The following MGRN1 variants were observed in gnomAD, a reference collection of about 807,000 sequenced individuals.
The protein encoded by MGRN1 is mahogunin ring finger 1, also known as E3 ubiquitin-protein ligase MGRN1.
In MGRN1, 29 loss-of-function variants were observed where a neutral mutation model predicts 69.2. That is an observed-to-expected ratio of 0.42 (90% CI 0.31 to 0.57). MGRN1 has a LOEUF of 0.57. MGRN1 is among the 20% of genes least tolerant of loss of function. The probability of loss-of-function intolerance (pLI) is 0.15; values close to 1 mark genes in which losing one functional copy is unlikely to be tolerated. For synonymous variants in MGRN1, 470 were observed against 344.2 expected (o/e 1.37, Z -4.04); for missense variants, 998 against 796.2 (o/e 1.25, Z -3.05).
At chr16:4,641,853 C>T (rs1381685229) in intron 1 of MGRN1, among the ~76,000 whole-genome samples, 1 of 152,100 alleles carries the variant, frequency 6.6e-6, no homozygotes, top group Non-Finnish European at 1.5e-5. Flanking sequence ...AGGGTCTCGC[C>T]ATGTCGCCCA....
intron 6 of MGRN1, 74 bp from the exon 7 acceptor site, chr16:4,665,028 C>A: frequency 6.4e-7 from 1 of 1,557,512 alleles, no homozygotes; most frequent in Non-Finnish European, 8.9e-7. Context: ...GCAGGCCTAC[C>A]AGGGTCGGGG....
intron 5 of MGRN1, among the ~76,000 whole-genome samples, chr16:4,658,038 G>T (rs569988137): frequency 6.6e-6 from 1 of 151,446 alleles, no homozygotes; most frequent in South Asian, 2.1e-4. Flanking sequence ...CACCGTGCCC[G>T]GCCATTGCTG....
chr16:4,641,051 C>T (rs1231870492), intron 1 of MGRN1, among the ~76,000 whole-genome samples: 4 of 152,198 alleles, frequency 2.6e-5, no homozygotes, highest in African/African-American at 9.6e-5. Flanking sequence ...TGCGTTCTTT[C>T]ACCTCCACAG....
chr16:4,685,062 C>T (rs2079277828), intron 16 of MGRN1, among the ~76,000 whole-genome samples: 2 of 152,260 alleles, frequency 1.3e-5, no homozygotes, highest in Non-Finnish European at 2.9e-5. Context: ...CAGGCACTGC[C>T]TCTGGTGCCC....
chr16:4,682,922 C>T lies in MGRN1; in HGVS notation c.1458C>T (p.Ala486=). The T allele has an allele frequency of 5.6e-6, 9 of 1,599,420 alleles. No homozygotes were observed. The highest frequency in any genetic ancestry group is 7.7e-6 in the Non-Finnish European group (9 of 1,170,568). Residue 486 remains alanine, a synonymous_variant, in exon 14 of 17, where the codon GCC becomes GCT. Transcript: ENST00000262370. ...CCCCACTGGGTGGCGCAGAGCTGGC[C>T]CTGCGGGAAAGCAGCTCCCCTGAGG... The part of the protein sequence containing the change: ...APPPLGGAEL[A]LRESSSPESF...
At position 4,671,276 on chromosome 16, in the gene MGRN1, C is replaced by G. The variant is rs73521415; in HGVS notation, c.727-115C>G. On this transcript the variant is annotated intron_variant, in intron 8 of 16. Transcript: ENST00000262370. ...CCTGGCCCCCAGGGGTTGAGCTGGACTGACCCCTGGTATGGAAGCCTGGTA... is the reference window on the plus strand; with the variant it reads ...CCTGGCCCCCAGGGGTTGAGCTGGAGTGACCCCTGGTATGGAAGCCTGGTA... 1,628 of 986,972 alleles carry G rather than the reference C, an allele frequency of 1.6e-3. 14 individuals carry two copies. In the African/African-American group the frequency reaches 0.024, roughly 14 times the overall value. The allele number at this position is 986,972 out of a possible 1,614,324, so 61.1% of individuals were successfully genotyped here.
chr16:4,688,855 C>T lies in MGRN1; in HGVS notation c.1678C>T (p.Pro560Ser), dbSNP rs746377373. The part of the protein sequence containing the change: ...GLATTSPTWP[P>S]LGGPSPDPSA... The stretch of plus-strand genomic sequence containing the variant: ...CGCCACCACCAGCCCCACCTGGCCT[C>T]CACTTGGTGGCCCCAGCCCCGATCC... The change falls in exon 17 of 17, where the codon CCA (proline) becomes TCA (serine). Residue 560 changes from proline to serine, a missense_variant. By Grantham distance (74) the Pro-to-Ser change is moderately conservative (BLOSUM62 -1). Transcript: ENST00000262370. 12 of 1,555,250 alleles carry T rather than the reference C, an allele frequency of 7.7e-6. No individual in the cohort carries two copies. The highest frequency in any genetic ancestry group is 3.5e-5 in the South Asian group (3 of 84,734).
intron 10 of MGRN1, among the ~76,000 whole-genome samples, chr16:4,674,611 C>CTTTTATTTTCTTTTCTTTTT (rs2079013678): frequency 2.1e-4 from 17 of 79,346 alleles, no homozygotes; most frequent in Admixed American, 1.6e-3. Context: ...CTTTTTTTTT[C>CTTTTATTTTCTTTTCTTTTT]TTTTCTTTTC....
At chr16:4,679,972 G>T in intron 11 of MGRN1, 60 bp from the exon 12 acceptor site, 1 of 1,514,242 alleles carries the variant, frequency 6.6e-7, no homozygotes, top group Non-Finnish European at 9.1e-7. Flanking sequence ...GACCTGTCCA[G>T]CCCACTCCAG....
intron 1 of MGRN1, among the ~76,000 whole-genome samples, chr16:4,648,586 C>T (rs1424123428): frequency 8.7e-6 from 1 of 114,554 alleles, no homozygotes; most frequent in Non-Finnish European, 1.7e-5. Context: ...CCCGGGTCCT[C>T]CTCCCGGGGC....
At chr16:4,683,961 G>A in intron 16 of MGRN1, 29 bp downstream of exon 16, 5 of 1,222,110 alleles carry the variant, frequency 4.1e-6, no homozygotes, top group Non-Finnish European at 4.7e-6. Context: ...GGGGGTGAGG[G>A]GCTGGGTGCC....
intron 1 of MGRN1, among the ~76,000 whole-genome samples, chr16:4,632,007 CT>C (rs869090061): frequency 0.054 from 3,489 of 64,910 alleles, 5 homozygotes; most frequent in East Asian, 0.067. Context: ...AAAAAATTTC[CT>C]TTTTTTTTTT....
At chr16:4,633,972 A>C (rs781419738) in intron 1 of MGRN1, 3 of 152,220 alleles carry the variant, frequency 2.0e-5, no homozygotes, top group Non-Finnish European at 4.4e-5. Flanking sequence ...ATTTTTTTAA[A>C]AAGGGCTTGG....
At position 4,671,395 on chromosome 16, in the gene MGRN1, A is replaced by C. The variant is rs749488380; in HGVS notation, c.731A>C (p.Asp244Ala). 4.3e-6 allele frequency: 7 copies of C among 1,613,912 alleles called. No individual in the cohort carries two copies. In the East Asian group the frequency reaches 1.3e-4, roughly 31 times the overall value. ...GAGCCCCTCTCTGCTCTCCAGGTGG[A>C]CCGGGTCAGCTACCTCCTGCAGGAG... ...VKPLKQKQIV[D>A]RVSYLLQEIY... Residue 244 changes from aspartate to alanine, a missense_variant, in exon 9 of 17, where the codon GAC becomes GCC. Transcript: ENST00000262370.
At chr16:4,636,555 G>C (rs541579766) in intron 1 of MGRN1, among the ~76,000 whole-genome samples, 33 of 152,264 alleles carry the variant, frequency 2.2e-4, no homozygotes, top group African/African-American at 7.0e-4. Flanking sequence ...GCTGTTGGGT[G>C]CATTCAGCCT....
intron 16 of MGRN1, chr16:4,687,576 A>AC: frequency 1.3e-6 from 1 of 748,746 alleles, no homozygotes. Context: ...AGAAAAAAAA[A>AC]ATACACACAC....
chr16:4,640,855 T>C (rs2078141387), intron 1 of MGRN1, among the ~76,000 whole-genome samples: 1 of 152,228 alleles, frequency 6.6e-6, no homozygotes, highest in Non-Finnish European at 1.5e-5. Context: ...AAGTGGGCTC[T>C]GGAGTCGGGG....
chr16:4,677,723 G>A (rs1363143748), intron 11 of MGRN1, 151 bp downstream of exon 11: 3 of 746,312 alleles, frequency 4.0e-6, no homozygotes, highest in South Asian at 3.7e-5. Flanking sequence ...GAGGCATGAA[G>A]GGGGTGGCCA....
rs1233212327 is a variant in MGRN1 at position 4,673,658 on chromosome 16, G to A, written c.955+1G>A. 6.2e-7 allele frequency: 1 copy of A among 1,612,620 alleles called. No individual in the cohort carries two copies. The highest frequency in any genetic ancestry group is 8.5e-7 in the Non-Finnish European group (1 of 1,179,636). ...AACAACTGCCCCATCTGCCGGCTGCGTGAGTTCCCCGGCCGGCTGTTCTGT... is the reference window on the plus strand; with the variant it reads ...AACAACTGCCCCATCTGCCGGCTGCATGAGTTCCCCGGCCGGCTGTTCTGT... On this transcript the variant is annotated splice_donor_variant, in intron 10 of 16. Coordinates refer to ENST00000262370, the MANE Select transcript of MGRN1 (RefSeq NM_015246.4). LOFTEE classifies it high-confidence loss of function.
Sources: gnomAD v4.1 joint callset for allele counts (sites outside exome capture counted in the v4.1 genomes callset) on GRCh38, gnomAD v4.1.1 for gene constraint, MANE v1.5 for transcripts, NCBI Gene and HGNC (gene_info 2026-07-23, HGNC 2026-07-21) for gene names.